The following CPNE8 variants were observed in gnomAD, a reference collection of about 807,000 sequenced individuals.
The protein encoded by CPNE8 is copine 8.
CPNE8 carries 45 observed loss-of-function variants against 81.5 expected under a neutral mutation model. That is an observed-to-expected ratio of 0.55 (90% CI 0.44 to 0.71). The LOEUF (loss-of-function observed/expected upper bound fraction) is 0.71, where lower values mean the gene tolerates loss of function less well. Among genes scored for constraint, CPNE8 ranks in the 30% least tolerant of loss-of-function variants. The pLI, the probability that CPNE8 is intolerant of heterozygous loss-of-function variation, is 0.00. For missense variants in CPNE8, 594 were observed against 672.1 expected, an observed-to-expected ratio of 0.88 and a Z score of 1.28; for synonymous variants, 252 against 226.3, an observed-to-expected ratio of 1.11 and a Z score of -1.02.
At position 38,653,049 on chromosome 12, in the gene CPNE8, T is replaced by C. The variant is rs1938734758; in HGVS notation, c.*833A>G. The C allele has an allele frequency of 6.6e-6, 1 of 152,582 alleles. No homozygotes were observed. Among genetic ancestry groups the C allele is most frequent in the Non-Finnish European group, 1.5e-5 (1 of 68,030 alleles). 9.5% of individuals were successfully genotyped at this position (152,582 alleles called of 1,614,324 possible). ...CAGTTAAATAGTCTTGGTTTCAGTC[T>C]TTCTAAATAGCATTATTATATAAGG... On this transcript the variant is annotated 3_prime_UTR_variant, in exon 20 of 20. Transcript: ENST00000331366.
Position 38,652,827 on chromosome 12 carries a change from G to A in CPNE8, c.*1055C>T, listed in dbSNP as rs1301289394. ...TAGGAGTAGGTTATTTCACAAATGT[G>A]TTGTGCACTAAGTCACATAGTTGTA... On this transcript the variant is annotated 3_prime_UTR_variant, in exon 20 of 20. Coordinates refer to ENST00000331366, the MANE Select transcript of CPNE8 (RefSeq NM_153634.3). The A allele has an allele frequency of 6.5e-6, 1 of 152,704 alleles. No homozygotes were observed. The highest frequency in any genetic ancestry group is 1.5e-5 in the Non-Finnish European group (1 of 68,022). The allele number at this position is 152,704 out of a possible 1,614,324, so 9.5% of individuals were successfully genotyped here. A position where few individuals can be genotyped will look rare whatever the true frequency, so the allele number is the denominator to read the frequency against.
chr12:38,741,736 A>G (rs962490620), intron 10 of CPNE8, among the ~76,000 whole-genome samples: 1 of 152,168 alleles, frequency 6.6e-6, no homozygotes, highest in Non-Finnish European at 1.5e-5. Flanking sequence ...TGAACAGGCA[A>G]CCTACAGAAT....
chr12:38,786,294 G>A (rs1942186322), intron 6 of CPNE8, among the ~76,000 whole-genome samples: 1 of 152,222 alleles, frequency 6.6e-6, no homozygotes. Context: ...GGGTGTGTGT[G>A]TGAGGGTGCT....
chr12:38,810,958 G>A (rs144371286), intron 6 of CPNE8, among the ~76,000 whole-genome samples: 217 of 152,152 alleles, frequency 1.4e-3, no homozygotes, highest in Non-Finnish European at 1.2e-3. Flanking sequence ...CGACTTCCTA[G>A]TCTGCCTTTC....
intron 14 of CPNE8, among the ~76,000 whole-genome samples, chr12:38,699,411 T>A (rs1462991439): frequency 1.3e-5 from 2 of 152,242 alleles, no homozygotes; most frequent in African/African-American, 4.8e-5. Flanking sequence ...TATTGTTATG[T>A]GCCCCGATCC....
chr12:38,862,003 T>C (rs1943843344), intron 3 of CPNE8, among the ~76,000 whole-genome samples: 1 of 152,120 alleles, frequency 6.6e-6, no homozygotes, highest in Non-Finnish European at 1.5e-5. Flanking sequence ...ATCTAGGCAC[T>C]AAGCATCAAA....
chr12:38,806,993 CA>C (rs1362458954), intron 6 of CPNE8, among the ~76,000 whole-genome samples: 2 of 151,576 alleles, frequency 1.3e-5, no homozygotes, highest in African/African-American at 4.8e-5. Flanking sequence ...AGTGAACTCC[CA>C]TTCACAACTG....
intron 9 of CPNE8, 29 bp from the exon 10 acceptor site, chr12:38,760,917 GTTAC>G: frequency 6.6e-7 from 1 of 1,506,404 alleles, no homozygotes; most frequent in Non-Finnish European, 8.9e-7. Context: ...TACACATAAA[GTTAC>G]TTAGTAAGAT....
At chr12:38,706,488 A>G (rs1171224271) in intron 13 of CPNE8, among the ~76,000 whole-genome samples, 1 of 152,152 alleles carries the variant, frequency 6.6e-6, no homozygotes, top group Non-Finnish European at 1.5e-5. Context: ...AAAAATCTGG[A>G]TATAATCTCA....
chr12:38,797,728 G>T (rs564755950), intron 6 of CPNE8, among the ~76,000 whole-genome samples: 53 of 152,230 alleles, frequency 3.5e-4, no homozygotes, highest in Non-Finnish European at 6.5e-4. Context: ...AGAGAGGAAG[G>T]CTTCAGAAGA....
chr12:38,821,839 G>A (rs375846564), intron 6 of CPNE8, among the ~76,000 whole-genome samples: 13 of 152,132 alleles, frequency 8.5e-5, no homozygotes, highest in African/African-American at 2.7e-4. Context: ...ACTCACATTC[G>A]AAAATGAATG....
intron 14 of CPNE8, among the ~76,000 whole-genome samples, chr12:38,700,840 C>T (rs183118033): frequency 1.3e-5 from 2 of 152,142 alleles, no homozygotes; most frequent in East Asian, 1.9e-4. Flanking sequence ...AGGGGAGTTC[C>T]CTTGCAAATG....
intron 6 of CPNE8, among the ~76,000 whole-genome samples, chr12:38,790,263 G>T (rs769231797): frequency 1.5e-4 from 22 of 151,702 alleles, no homozygotes; most frequent in Admixed American, 4.6e-4. Context: ...CAGCCATAAA[G>T]AAAAATGAGA....
At chr12:38,715,788 C>A (rs914819108) in intron 13 of CPNE8, among the ~76,000 whole-genome samples, 1 of 151,848 alleles carries the variant, frequency 6.6e-6, no homozygotes, top group African/African-American at 2.4e-5. Flanking sequence ...GGAAGTCCTA[C>A]CCAGCGCAAT....
At chr12:38,702,738 GAA>G (rs1939977827) in intron 14 of CPNE8, 135 bp downstream of exon 14, 4 of 481,742 alleles carry the variant, frequency 8.3e-6, no homozygotes, top group Non-Finnish European at 1.4e-5. Flanking sequence ...TAAAAAGAAA[GAA>G]AAAATTATGT....
chr12:38,877,246 A>G (rs541779154), intron 1 of CPNE8, among the ~76,000 whole-genome samples: 1 of 152,366 alleles, frequency 6.6e-6, no homozygotes, highest in East Asian at 1.9e-4. Context: ...ACTAGTATAA[A>G]GAGAGATGCT....
intron 10 of CPNE8, among the ~76,000 whole-genome samples, chr12:38,734,330 T>C (rs1474568842): frequency 6.6e-6 from 1 of 152,056 alleles, no homozygotes; most frequent in Non-Finnish European, 1.5e-5. Context: ...ATGGCACAAG[T>C]GCCAATCATA....
chr12:38,792,032 C>A (rs1403816386), intron 6 of CPNE8, among the ~76,000 whole-genome samples: 2 of 146,556 alleles, frequency 1.4e-5, no homozygotes, highest in East Asian at 2.0e-4. Flanking sequence ...AAACTTGAGA[C>A]AAATGAAAAT....
At chr12:38,889,658 G>A (rs1178239459) in intron 1 of CPNE8, among the ~76,000 whole-genome samples, 1 of 152,192 alleles carries the variant, frequency 6.6e-6, no homozygotes, top group Non-Finnish European at 1.5e-5. Flanking sequence ...AACTCTACCA[G>A]CTCAAAGTAC....
Sources: allele counts gnomAD v4.1 joint callset (sites outside exome capture counted in the v4.1 genomes callset), GRCh38; gene constraint gnomAD v4.1.1; transcripts MANE v1.5; gene names NCBI Gene and HGNC (gene_info 2026-07-23, HGNC 2026-07-21).